PKHD1: variants seen among roughly 807,000 people sequenced by gnomAD.
PKHD1 encodes the protein fibrocystin.
In PKHD1, 291 loss-of-function variants were observed where a neutral mutation model predicts 412.0. That is an observed-to-expected ratio of 0.71 (90% CI 0.64 to 0.78). The LOEUF (loss-of-function observed/expected upper bound fraction) is 0.78, where lower values mean the gene tolerates loss of function less well. PKHD1 is among the 30% of genes least tolerant of loss of function. The pLI, the probability that PKHD1 is intolerant of heterozygous loss-of-function variation, is 0.00. For missense variants in PKHD1, 4,825 were observed against 4,950.7 expected, an observed-to-expected ratio of 0.97 and a Z score of 0.76; for synonymous variants, 1,777 against 1,821.5, an observed-to-expected ratio of 0.98 and a Z score of 0.62.
chr6:52,022,993 T>G, intron 32 of PKHD1, 49 bp from the exon 33 acceptor site: 3 of 1,608,536 alleles, frequency 1.9e-6, no homozygotes, highest in East Asian at 2.2e-5. Flanking sequence ...AAATCTCCCT[T>G]CTTTACTCAA....
chr6:51,628,751 T>C (rs1767586279), intron 65 of PKHD1, among the ~76,000 whole-genome samples: 1 of 152,212 alleles, frequency 6.6e-6, no homozygotes, highest in Non-Finnish European at 1.5e-5. Context: ...TGTTTTAACT[T>C]TTTAATAATT....
chr6:51,804,375 G>A (rs1763415057), intron 52 of PKHD1, among the ~76,000 whole-genome samples: 1 of 41,738 alleles, frequency 2.4e-5, no homozygotes, highest in South Asian at 1.1e-3. Flanking sequence ...GGGGGGGGGC[G>A]GTAACAGGAG....
At chr6:51,836,852 T>C (rs944797510) in intron 50 of PKHD1, among the ~76,000 whole-genome samples, 2 of 152,172 alleles carry the variant, frequency 1.3e-5, no homozygotes, top group Admixed American at 1.3e-4. Flanking sequence ...TTTTCACCAA[T>C]AGAGTTCAGA....
Position 52,046,111 on chromosome 6 carries a change from G to A in PKHD1, c.2485C>T (p.Leu829Phe), listed in dbSNP as rs1805770971. Residue 829 changes from leucine (L) to phenylalanine (F), a missense_variant, in exon 24 of 67, where the codon CTC becomes TTC. Transcript: ENST00000371117. ...NNADDFTSRYLNASDFTVKED... is the reference protein window; with the variant it reads ...NNADDFTSRYFNASDFTVKED... Reference sequence around the variant, plus strand: ...TTCACAGTGAAGTCACTGGCATTGAGGTACCTGGATGTGAAGTCATCGGCA... The same window carrying A: ...TTCACAGTGAAGTCACTGGCATTGAAGTACCTGGATGTGAAGTCATCGGCA... 2 of 1,613,462 alleles carry A rather than the reference G, an allele frequency of 1.2e-6. No individual in the cohort carries two copies. Among genetic ancestry groups the A allele is most frequent in the Non-Finnish European group, 1.7e-6 (2 of 1,179,394 alleles).
intron 2 of PKHD1, among the ~76,000 whole-genome samples, chr6:52,084,103 G>A (rs1017894991): frequency 8.5e-5 from 13 of 152,200 alleles, no homozygotes; most frequent in Non-Finnish European, 1.8e-4. Flanking sequence ...CTTGATGAAG[G>A]AAAGGCCAAG....
At chr6:51,718,740 A>T (rs1324508831) in intron 60 of PKHD1, among the ~76,000 whole-genome samples, 1 of 152,178 alleles carries the variant, frequency 6.6e-6, no homozygotes, top group Non-Finnish European at 1.5e-5. Flanking sequence ...GAATAACTAT[A>T]AATGGAGATA....
At chr6:51,987,265 T>C (rs1796335542) in intron 35 of PKHD1, among the ~76,000 whole-genome samples, 1 of 152,138 alleles carries the variant, frequency 6.6e-6, no homozygotes, top group Non-Finnish European at 1.5e-5. Flanking sequence ...AGAACAACAA[T>C]TAAAATATTC....
chr6:51,908,251 A>G (rs768988145), intron 40 of PKHD1, among the ~76,000 whole-genome samples: 1 of 152,168 alleles, frequency 6.6e-6, no homozygotes, highest in African/African-American at 2.4e-5. Flanking sequence ...ATAATTTGAA[A>G]TGAAGGAAAA....
intron 21 of PKHD1, among the ~76,000 whole-genome samples, chr6:52,052,177 A>G (rs889921056): frequency 6.6e-5 from 10 of 152,310 alleles, no homozygotes; most frequent in Middle Eastern, 3.4e-3. Flanking sequence ...AATAAACTAT[A>G]AAAAGTAGGC....
At chr6:51,633,361 G>A (rs906689958) in intron 64 of PKHD1, among the ~76,000 whole-genome samples, 13 of 151,998 alleles carry the variant, frequency 8.6e-5, no homozygotes, top group African/African-American at 3.1e-4. Context: ...TATGAAATGA[G>A]TCATAAAATA....
intron 35 of PKHD1, among the ~76,000 whole-genome samples, chr6:51,991,679 A>G (rs1413360334): frequency 1.3e-5 from 2 of 152,206 alleles, no homozygotes; most frequent in East Asian, 1.9e-4. Flanking sequence ...GCCAAAGCCC[A>G]GTAAAGAATA....
intron 36 of PKHD1, among the ~76,000 whole-genome samples, chr6:51,941,006 G>A (rs534297541): frequency 1.3e-5 from 2 of 151,058 alleles, no homozygotes; most frequent in Non-Finnish European, 3.0e-5. Flanking sequence ...ACACCTCACT[G>A]CTGCCCTTTA....
intron 27 of PKHD1, 67 bp downstream of exon 27, chr6:52,042,792 A>C (rs1805125048): frequency 2.2e-6 from 3 of 1,385,538 alleles, no homozygotes; most frequent in Non-Finnish European, 3.1e-6. Context: ...CAGAAGGACT[A>C]GATTCCTATC....
rs1435306099 is a variant in PKHD1, at chr6:51,617,659, A to G, written c.*1422T>C. ...GACAGCCTGAAGATCTGCAATACTC[A>G]CCAGATGCCTAAAGAAGAGGTTAAA... On this transcript the variant is annotated 3_prime_UTR_variant, in exon 67 of 67. Coordinates refer to ENST00000371117, the MANE Select transcript of PKHD1 (RefSeq NM_138694.4). The G allele has an allele frequency of 1.3e-5, 2 of 152,116 alleles. No homozygotes were observed. The highest frequency in any genetic ancestry group is 2.9e-5 in the Non-Finnish European group (2 of 68,038). The allele number at this position is 152,116 out of a possible 1,614,324, so 9.4% of individuals were successfully genotyped here. A position where few individuals can be genotyped will look rare whatever the true frequency, so the allele number is the denominator to read the frequency against.
Position 51,830,749 on chromosome 6 carries a change from G to C in PKHD1, c.8302+112C>G. On this transcript the variant is annotated intron_variant, in intron 52 of 66. Coordinates refer to ENST00000371117, the MANE Select transcript of PKHD1 (RefSeq NM_138694.4). ...AAAGAGGAAGAATGAAACAACATAA[G>C]TGCCTACTTATTTCCAAACTCTTTA... 2.9e-6 allele frequency: 3 copies of C among 1,018,362 alleles called. No individual in the cohort carries two copies. In the East Asian group the frequency reaches 7.3e-5, roughly 25 times the overall value. 63.1% of individuals were successfully genotyped at this position (1,018,362 alleles called of 1,614,324 possible).
At chr6:51,701,909 A>G (rs1779447272) in intron 60 of PKHD1, among the ~76,000 whole-genome samples, 2 of 151,746 alleles carry the variant, frequency 1.3e-5, no homozygotes, top group Non-Finnish European at 2.9e-5. Context: ...AGAGAAAATT[A>G]ATTTCCACAT....
At chr6:51,748,978 C>CG (rs949117808) in intron 57 of PKHD1, among the ~76,000 whole-genome samples, 1 of 152,060 alleles carries the variant, frequency 6.6e-6, no homozygotes, top group Admixed American at 6.6e-5. Flanking sequence ...GTGTATTTGT[C>CG]GGGGGCCGGG....
chr6:51,800,019 C>A (rs1024250800), intron 52 of PKHD1, among the ~76,000 whole-genome samples: 1 of 152,108 alleles, frequency 6.6e-6, no homozygotes, highest in African/African-American at 2.4e-5. Flanking sequence ...AGGGAACCAT[C>A]TGGAATTTCT....
chr6:51,982,184 G>A (rs1451516528), intron 35 of PKHD1, among the ~76,000 whole-genome samples: 11 of 43,246 alleles, frequency 2.5e-4, no homozygotes, highest in East Asian at 1.0e-3. Context: ...CGGGAGGGAG[G>A]TGGGGGGGTC....
Sources: allele counts gnomAD v4.1 joint callset (sites outside exome capture counted in the v4.1 genomes callset), GRCh38; gene constraint gnomAD v4.1.1; transcripts MANE v1.5; gene names NCBI Gene and HGNC (gene_info 2026-07-23, HGNC 2026-07-21).